The following PRR16 variants were observed in gnomAD, a reference collection of about 807,000 sequenced individuals.
PRR16 encodes protein Largen.
PRR16 carries 6 observed loss-of-function variants against 18.2 expected under a neutral mutation model. The observed-to-expected ratio is 0.33, with a 90% CI of 0.18 to 0.65. The LOEUF is 0.65. Among genes scored for constraint, PRR16 ranks in the 30% least tolerant of loss-of-function variants. The pLI is 0.74. For missense variants in PRR16, 412 were observed against 376.6 expected (o/e 1.09, Z -0.78); for synonymous variants, 151 against 147.8 (o/e 1.02, Z -0.16).
At chr5:120,557,448 T>TA (rs1167619041) in intron 1 of PRR16, among the ~76,000 whole-genome samples, 1 of 151,884 alleles carries the variant, frequency 6.6e-6, no homozygotes, top group African/African-American at 2.4e-5. Flanking sequence ...GATTTTATTG[T>TA]ATCTGTGTTC....
the PRR16 span, among the ~76,000 whole-genome samples, chr5:120,783,348 C>G: frequency 6.6e-6 from 1 of 152,146 alleles, no homozygotes; most frequent in South Asian, 2.1e-4. Flanking sequence ...CTAATTCAAT[C>G]ATAGGTATTT....
the PRR16 span, among the ~76,000 whole-genome samples, chr5:120,716,165 A>C: frequency 6.6e-6 from 1 of 152,096 alleles, no homozygotes; most frequent in South Asian, 2.1e-4. Context: ...ACAGTTACTC[A>C]ACATATATTT....
intron 1 of PRR16, among the ~76,000 whole-genome samples, chr5:120,670,532 A>T (rs1206456981): frequency 6.6e-6 from 1 of 152,176 alleles, no homozygotes; most frequent in Non-Finnish European, 1.5e-5. Flanking sequence ...TTCTACAAGA[A>T]TTTCAAATAT....
chr5:120,578,290 TA>T (rs1342029298), intron 1 of PRR16, among the ~76,000 whole-genome samples: 1 of 152,134 alleles, frequency 6.6e-6, no homozygotes, highest in Non-Finnish European at 1.5e-5. Flanking sequence ...TTATTTCTTC[TA>T]AAAAAATGGG....
chr5:120,678,720 T>A (rs1756883224), intron 1 of PRR16, among the ~76,000 whole-genome samples: 1 of 152,206 alleles, frequency 6.6e-6, no homozygotes, highest in South Asian at 2.1e-4. Flanking sequence ...TATAAGATCA[T>A]ATCATCTGCA....
chr5:120,718,460 G>T, the PRR16 span, among the ~76,000 whole-genome samples: 1 of 152,074 alleles, frequency 6.6e-6, no homozygotes, highest in African/African-American at 2.4e-5. Context: ...CCCTGTTATA[G>T]ATATCTCATG....
chr5:120,510,382 T>A (rs540154858), intron 1 of PRR16, among the ~76,000 whole-genome samples: 1 of 152,228 alleles, frequency 6.6e-6, no homozygotes, highest in Non-Finnish European at 1.5e-5. Flanking sequence ...AGAATGGATA[T>A]GTCTTGACAG....
At chr5:120,794,054 A>G in the PRR16 span, among the ~76,000 whole-genome samples, 1 of 152,152 alleles carries the variant, frequency 6.6e-6, no homozygotes, top group Admixed American at 6.5e-5. Context: ...CAACAAATGT[A>G]GGTATGTTTA....
At chr5:120,536,957 C>G (rs1751736777) in intron 1 of PRR16, among the ~76,000 whole-genome samples, 1 of 152,212 alleles carries the variant, frequency 6.6e-6, no homozygotes, top group Non-Finnish European at 1.5e-5. Context: ...AAACCAAATA[C>G]TGCATTTTCT....
chr5:120,778,325 A>C, the PRR16 span, among the ~76,000 whole-genome samples: 1 of 152,176 alleles, frequency 6.6e-6, no homozygotes, highest in Admixed American at 6.5e-5. Flanking sequence ...TTAATGTTGC[A>C]CTTTCAAGAG....
rs1049022720 is a variant in PRR16 at position 120,511,179 on chromosome 5, A to T, written c.159+46534A>T. On this transcript the variant is annotated intron_variant, in intron 1 of 1. Coordinates refer to ENST00000407149, the MANE Select transcript of PRR16 (RefSeq NM_001300783.2). ...GATTTTCTCCCTAAAGCCTGGAGGA[A>T]CTAGAATATAATTAAAAGCCTGTAC... Among the ~76,000 whole-genome samples the T allele has an allele frequency of 5.3e-5, 8 of 152,160 alleles. 1 individual carries two copies. In the South Asian group the frequency reaches 1.4e-3, roughly 28 times the overall value.
At chr5:120,787,410 A>G in the PRR16 span, among the ~76,000 whole-genome samples, 2 of 152,160 alleles carry the variant, frequency 1.3e-5, no homozygotes, top group Non-Finnish European at 2.9e-5. Context: ...ATTCAGTGAT[A>G]TTTTAAAATA....
At chr5:120,465,893 G>C (rs576104031) in intron 1 of PRR16, among the ~76,000 whole-genome samples, 1 of 152,296 alleles carries the variant, frequency 6.6e-6, no homozygotes, top group Non-Finnish European at 1.5e-5. Context: ...TTAACCTCCT[G>C]TATTCAATTT....
the PRR16 span, among the ~76,000 whole-genome samples, chr5:120,700,737 G>A: frequency 6.6e-6 from 1 of 152,154 alleles, no homozygotes; most frequent in African/African-American, 2.4e-5. Context: ...TGTGGAGTGG[G>A]TAGCCTCCGT....
chr5:120,678,160 C>T (rs1393290359), intron 1 of PRR16, among the ~76,000 whole-genome samples: 1 of 152,002 alleles, frequency 6.6e-6, no homozygotes, highest in Non-Finnish European at 1.5e-5. Flanking sequence ...CCGCCTGCCT[C>T]GGCCTCCCAA....
At chr5:120,542,922 A>G (rs541175204) in intron 1 of PRR16, among the ~76,000 whole-genome samples, 1 of 152,150 alleles carries the variant, frequency 6.6e-6, no homozygotes, top group African/African-American at 2.4e-5. Context: ...GTGATTATTC[A>G]ATGTGTGGTT....
At chr5:120,641,926 C>G (rs1755436687) in intron 1 of PRR16, among the ~76,000 whole-genome samples, 1 of 152,024 alleles carries the variant, frequency 6.6e-6, no homozygotes. Context: ...CTGTCCTTAC[C>G]CTAGGCACCT....
intron 1 of PRR16, among the ~76,000 whole-genome samples, chr5:120,635,046 A>C (rs1462227431): frequency 6.6e-6 from 1 of 152,134 alleles, no homozygotes; most frequent in Non-Finnish European, 1.5e-5. Context: ...AAAATATACA[A>C]CCCTCCTATA....
intron 1 of PRR16, among the ~76,000 whole-genome samples, chr5:120,478,772 T>C (rs1424553788): frequency 1.3e-5 from 2 of 152,218 alleles, no homozygotes; most frequent in Non-Finnish European, 2.9e-5. Context: ...AATTCTATTT[T>C]CTTCTAATAG....
Sources: gnomAD v4.1 joint callset for allele counts (sites outside exome capture counted in the v4.1 genomes callset) on GRCh38, gnomAD v4.1.1 for gene constraint, MANE v1.5 for transcripts, NCBI Gene and HGNC (gene_info 2026-07-23, HGNC 2026-07-21) for gene names.